RBKS: variants seen among roughly 807,000 people sequenced by gnomAD.
RBKS encodes the protein ribokinase.
A neutral mutation model predicts 33.9 loss-of-function variants in RBKS; 33 were observed. That is an observed-to-expected ratio of 0.97 (90% CI 0.74 to 1.30). The LOEUF is 1.30. Ranked by LOEUF, RBKS falls within the 50% of genes most tolerant of loss-of-function variation. The pLI is 0.00. For missense variants in RBKS, 361 were observed against 392.6 expected (o/e 0.92, Z 0.68); for synonymous variants, 125 against 143.0 (o/e 0.87, Z 0.90).
At chr2:27,864,526 G>T (rs1362728087) in intron 1 of RBKS, among the ~76,000 whole-genome samples, 1 of 152,042 alleles carries the variant, frequency 6.6e-6, no homozygotes, top group Non-Finnish European at 1.5e-5. Context: ...AGTACATATG[G>T]TCTTCTCCCA....
intron 1 of RBKS, among the ~76,000 whole-genome samples, chr2:27,862,946 C>T (rs1172026145): frequency 2.0e-5 from 3 of 151,598 alleles, no homozygotes; most frequent in Non-Finnish European, 4.4e-5. Flanking sequence ...TTCAAGAAAG[C>T]ATCTGCACAA....
At chr2:27,790,135 T>C (rs1677494143) in intron 7 of RBKS, among the ~76,000 whole-genome samples, 1 of 151,784 alleles carries the variant, frequency 6.6e-6, no homozygotes, top group Non-Finnish European at 1.5e-5. Flanking sequence ...ACACTGCACC[T>C]GGCCCATGAT....
Position 27,890,137 on chromosome 2 carries a change from T to C in RBKS, c.89+120A>G, listed in dbSNP as rs1020616896. 5 of 833,966 alleles carry C rather than the reference T, an allele frequency of 6.0e-6. No homozygotes were observed. The highest frequency in any genetic ancestry group is 2.3e-4 in the Middle Eastern group (1 of 4,352). The allele number at this position is 833,966 out of a possible 1,614,324, so 51.7% of individuals were successfully genotyped here. A position where few individuals can be genotyped will look rare whatever the true frequency, so the allele number is the denominator to read the frequency against. On this transcript the variant is annotated intron_variant, in intron 1 of 7. Transcript: ENST00000302188. This position sits in a 1 kb window ranked among gnomAD's most constrained non-coding sequence, Gnocchi z 4.8. ...GAAGGCTTCGAAAACCTGCAGCTCA[T>C]ACCCAAAGCTAGCACTGTCTATCCC...
Position 27,890,138 on chromosome 2 carries a change from A to AT in RBKS, c.89+118_89+119insA. Reference sequence around the variant, plus strand: ...AAGGCTTCGAAAACCTGCAGCTCATACCCAAAGCTAGCACTGTCTATCCCT... The same window carrying AT: ...AAGGCTTCGAAAACCTGCAGCTCATATCCCAAAGCTAGCACTGTCTATCCCT... On this transcript the variant is annotated intron_variant, in intron 1 of 7. Transcript: ENST00000302188. The surrounding 1 kb of genome is among the most constrained non-coding windows in gnomAD (Gnocchi z 4.8). 2.4e-6 allele frequency: 2 copies of AT among 847,202 alleles called. No individual in the cohort carries two copies. Among genetic ancestry groups the AT allele is most frequent in the Non-Finnish European group, 3.7e-6 (2 of 544,016 alleles). The allele number at this position is 847,202 out of a possible 1,614,324, so 52.5% of individuals were successfully genotyped here.
At chr2:27,874,590 C>CTG (rs1664277346) in intron 1 of RBKS, among the ~76,000 whole-genome samples, 1 of 152,206 alleles carries the variant, frequency 6.6e-6, no homozygotes, top group Non-Finnish European at 1.5e-5. Flanking sequence ...ATGTGTTTAT[C>CTG]TGTGCCAATC....
chr2:27,820,013 G>T (rs1194564435), intron 7 of RBKS, among the ~76,000 whole-genome samples: 2 of 152,114 alleles, frequency 1.3e-5, no homozygotes, highest in Admixed American at 6.6e-5. Flanking sequence ...TACGTCAAGG[G>T]GCTCCTCGGC....
intron 1 of RBKS, among the ~76,000 whole-genome samples, chr2:27,875,834 C>A (rs1664304281): frequency 6.6e-6 from 1 of 152,106 alleles, no homozygotes; most frequent in East Asian, 1.9e-4. Flanking sequence ...CCTGTACAGA[C>A]ACATTTTTCC....
chr2:27,811,607 G>T (rs1156688308), intron 7 of RBKS, among the ~76,000 whole-genome samples: 1 of 152,140 alleles, frequency 6.6e-6, no homozygotes, highest in Non-Finnish European at 1.5e-5. Flanking sequence ...TCTCTTTGTA[G>T]CAATGTTGTA....
In RBKS at chr2:27,827,691, A is replaced by C. The variant is rs756170394; in HGVS notation, c.671T>G (p.Leu224Arg). ...AADAGEAALV[L>R]LKRGCQVVII... ...TACCACCTGGCAGCCCCTTTTCAAG[A>C]GCACTAATGCAGCCTCCCCAGCATC... is the stretch of plus-strand genomic sequence containing the variant. Residue 224 changes from leucine (L) to arginine (R), a missense_variant, in exon 7 of 8, where the codon CTC becomes CGC. Leu to Arg is a moderately radical substitution (Grantham distance 102). Transcript: ENST00000302188. 8.1e-6 allele frequency: 13 copies of C among 1,613,916 alleles called. No homozygotes were observed. The highest frequency in any genetic ancestry group is 5.0e-5 in the Admixed American group (3 of 59,954).
chr2:27,829,631 T>C (rs1163288321), intron 6 of RBKS, among the ~76,000 whole-genome samples: 2 of 152,162 alleles, frequency 1.3e-5, no homozygotes, highest in African/African-American at 2.4e-5. Flanking sequence ...CCTCCCAAAG[T>C]GCTGGGATTA....
At chr2:27,782,700 CTT>C in intron 7 of RBKS, 1 of 410,456 alleles carries the variant, frequency 2.4e-6, no homozygotes, top group South Asian at 1.8e-5. Context: ...CTAAGGTAGT[CTT>C]TGCCAAGTTT....
intron 1 of RBKS, among the ~76,000 whole-genome samples, chr2:27,878,672 C>A (rs1249637897): frequency 6.6e-6 from 1 of 152,108 alleles, no homozygotes; most frequent in African/African-American, 2.4e-5. Flanking sequence ...TTCTATTTCT[C>A]CACATCCTCT....
At chr2:27,796,327 A>C (rs897104086) in intron 7 of RBKS, among the ~76,000 whole-genome samples, 1 of 152,338 alleles carries the variant, frequency 6.6e-6, no homozygotes, top group South Asian at 2.1e-4. Context: ...TCTTGGAATA[A>C]TGAAATAGTT....
chr2:27,787,374 A>C (rs1454209562), intron 7 of RBKS, among the ~76,000 whole-genome samples: 6 of 152,134 alleles, frequency 3.9e-5, no homozygotes, highest in Non-Finnish European at 8.8e-5. Flanking sequence ...TCAAGCCCGC[A>C]GTGAGCCGTG....
chr2:27,823,060 A>G (rs1327735311), intron 7 of RBKS, among the ~76,000 whole-genome samples: 1 of 152,206 alleles, frequency 6.6e-6, no homozygotes, highest in Non-Finnish European at 1.5e-5. Flanking sequence ...CTGACTATGG[A>G]GTGCTTACTC....
At chr2:27,814,991 A>G (rs1034172886) in intron 7 of RBKS, among the ~76,000 whole-genome samples, 1 of 152,252 alleles carries the variant, frequency 6.6e-6, no homozygotes, top group African/African-American at 2.4e-5. Flanking sequence ...TTCACAGTAC[A>G]TGCCATCAAC....
intron 1 of RBKS, among the ~76,000 whole-genome samples, chr2:27,863,302 T>C (rs1279850092): frequency 6.6e-6 from 1 of 152,224 alleles, no homozygotes; most frequent in Non-Finnish European, 1.5e-5. Context: ...AGAGGCCACG[T>C]GGTTAGAGCC....
chr2:27,860,377 A>G (rs1663948825), intron 1 of RBKS, among the ~76,000 whole-genome samples: 1 of 152,198 alleles, frequency 6.6e-6, no homozygotes, highest in South Asian at 2.1e-4. Context: ...TGATGCTGCT[A>G]CAAACAACAC....
At chr2:27,809,825 CATA>C (rs1247973922) in intron 7 of RBKS, 1 of 724,774 alleles carries the variant, frequency 1.4e-6, no homozygotes, top group Admixed American at 3.6e-5. Flanking sequence ...AAAGGCATTT[CATA>C]ATATTAGCAC....
Sources: allele counts gnomAD v4.1 joint callset (sites outside exome capture counted in the v4.1 genomes callset), GRCh38; gene constraint gnomAD v4.1.1; non-coding constraint Gnocchi (gnomAD v3.1); transcripts MANE v1.5; gene names NCBI Gene and HGNC (gene_info 2026-07-23, HGNC 2026-07-21).